The following PRDM4 variants were observed in gnomAD, a reference collection of about 807,000 sequenced individuals.
PRDM4 encodes the protein PR/SET domain 4, also known as PR domain zinc finger protein 4.
Under a neutral mutation model 62.3 loss-of-function variants are expected in PRDM4, and 38 were observed. The observed-to-expected ratio is 0.61, with a 90% CI of 0.47 to 0.80. The LOEUF (loss-of-function observed/expected upper bound fraction) is 0.80. PRDM4 is among the 30% of genes least tolerant of loss of function. PRDM4 has a pLI of 0.00. For missense variants in PRDM4, 858 were observed against 997.1 expected, an observed-to-expected ratio of 0.86 and a Z score of 1.88; for synonymous variants, 339 against 348.2, an observed-to-expected ratio of 0.97 and a Z score of 0.30.
rs1890562412 is a variant in PRDM4, at chr12:107,742,857, C to T, written c.1481+340G>A. On this transcript the variant is annotated intron_variant, in intron 8 of 11. Coordinates refer to ENST00000228437, the MANE Select transcript of PRDM4 (RefSeq NM_012406.4). ...TAGTATGATCACAGCTTGAACTCTT[C>T]AGCTCAAATGATCCTCCCACCTCAG... is the stretch of plus-strand genomic sequence containing the variant. 2.0e-5 allele frequency among the ~76,000 whole-genome samples: 3 copies of T among 149,956 alleles called. No individual in the cohort carries two copies. The South Asian group carries it at 6.4e-4, about 32-fold the overall frequency.
chr12:107,740,406 G>A (rs1890480293), intron 10 of PRDM4, among the ~76,000 whole-genome samples: 1 of 152,144 alleles, frequency 6.6e-6, no homozygotes, highest in African/African-American at 2.4e-5. Context: ...AGGATCACCT[G>A]AGTCCTGGAG....
intron 2 of PRDM4, 58 bp downstream of exon 2, chr12:107,760,447 C>T (rs539174420): frequency 4.4e-6 from 7 of 1,608,080 alleles, no homozygotes; most frequent in South Asian, 1.1e-5. Context: ...ACCCTGGACA[C>T]TCACTCGCCA....
At chr12:107,739,164 T>A (rs1890434303) in intron 11 of PRDM4, 1 of 473,206 alleles carries the variant, frequency 2.1e-6, no homozygotes, top group Non-Finnish European at 3.7e-6. Flanking sequence ...ATGTGAAAAG[T>A]AAGAAAAAGA....
intron 8 of PRDM4, among the ~76,000 whole-genome samples, chr12:107,742,858 A>G (rs569139193): frequency 2.9e-4 from 43 of 150,414 alleles, no homozygotes; most frequent in Non-Finnish European, 4.4e-5. Context: ...TGAACTCTTC[A>G]GCTCAAATGA....
At chr12:107,755,467 C>G (rs1891035164) in intron 3 of PRDM4, among the ~76,000 whole-genome samples, 1 of 152,208 alleles carries the variant, frequency 6.6e-6, no homozygotes, top group Non-Finnish European at 1.5e-5. Context: ...TACAAACAAT[C>G]AAGTGGGTTA....
At chr12:107,743,169 AT>A (rs772218812) in intron 8 of PRDM4, 27 bp downstream of exon 8, 4 of 1,534,076 alleles carry the variant, frequency 2.6e-6, no homozygotes, top group Non-Finnish European at 3.6e-6. Context: ...AATGGTAACT[AT>A]TTTTTCTCAT....
At chr12:107,749,899 C>T (rs1008467009) in intron 5 of PRDM4, among the ~76,000 whole-genome samples, 5 of 152,186 alleles carry the variant, frequency 3.3e-5, no homozygotes, top group Non-Finnish European at 7.4e-5. Flanking sequence ...TTTTATGCTT[C>T]AGCAATTCTG....
In PRDM4 at chr12:107,751,635, T is replaced by C; in HGVS notation, c.906A>G (p.Ala302=). 6.2e-7 allele frequency: 1 copy of C among 1,613,862 alleles called. No homozygotes were observed. Among genetic ancestry groups the C allele is most frequent in the Non-Finnish European group, 8.5e-7 (1 of 1,179,878 alleles). The change falls in exon 5 of 12, where the codon GCA becomes GCG. Residue 302 remains alanine, a synonymous_variant. Transcript: ENST00000228437. ...AGGCAAGGTTGTGTGAGGTAGAGAG[T>C]GCCACGCTTACAGAGTTGGTGCTCA... ...VAMSTNSVSV[A]LSTSHNLASL... is the part of the protein sequence containing the mutation.
chr12:107,744,035 G>T (rs1158443102), intron 7 of PRDM4, among the ~76,000 whole-genome samples: 1 of 151,888 alleles, frequency 6.6e-6, no homozygotes, highest in Non-Finnish European at 1.5e-5. Context: ...AGTCACCTGA[G>T]CCCAGGAGGT....
rs1566096423 is a variant in PRDM4, at chr12:107,746,357, A to C, written c.1194T>G (p.Pro398=). Residue 398 remains proline, a synonymous_variant, in exon 6 of 12, where the codon CCT becomes CCG. Transcript: ENST00000228437. ...CPEHGPVTFV[P]DTPIESRARL... is the part of the protein sequence containing the mutation. ...TTGCTCTGCTCTCTATTGGAGTGTCAGGAACAAAAGTCACTGGTCCATGTT... is the reference window on the plus strand; with the variant it reads ...TTGCTCTGCTCTCTATTGGAGTGTCCGGAACAAAAGTCACTGGTCCATGTT... 1 of 1,613,780 alleles carries C rather than the reference A, an allele frequency of 6.2e-7. No individual in the cohort carries two copies. Among genetic ancestry groups the C allele is most frequent in the Admixed American group, 1.7e-5 (1 of 59,984 alleles).
At chr12:107,746,240 G>C in intron 6 of PRDM4, 35 bp downstream of exon 6, 6 of 1,607,444 alleles carry the variant, frequency 3.7e-6, no homozygotes, top group Non-Finnish European at 5.1e-6. Flanking sequence ...AGGAAGAAGA[G>C]ATGTAATAGT....
intron 2 of PRDM4, among the ~76,000 whole-genome samples, chr12:107,757,555 A>G (rs947558439): frequency 6.6e-6 from 1 of 152,172 alleles, no homozygotes; most frequent in African/African-American, 2.4e-5. Context: ...CTACCACTTC[A>G]CTTAAAATGA....
intron 5 of PRDM4, 65 bp from the exon 6 acceptor site, chr12:107,746,489 G>GTTTTT: frequency 8.9e-7 from 1 of 1,124,296 alleles, no homozygotes; most frequent in African/African-American, 1.7e-5. Context: ...TACCACCACG[G>GTTTTT]TTTTTTTTTT....
chr12:107,741,068 G>C lies in PRDM4; in HGVS notation c.1802C>G (p.Ser601Cys). The stretch of plus-strand genomic sequence containing the variant: ...AAAGTGGACATGAAGTTTGGAAGGA[G>C]AGATAAAAGCTTGGGGGCACATTGA... ...KCSMCPQAFI[S>C]PSKLHVHFMG... is the part of the protein sequence containing the mutation. The change falls in exon 10 of 12, where the codon TCT (serine) becomes TGT (cysteine). Residue 601 changes from serine (S) to cysteine (C), a missense_variant. By Grantham distance (112) the Ser-to-Cys change is moderately radical. Coordinates refer to ENST00000228437, the MANE Select transcript of PRDM4 (RefSeq NM_012406.4). The C allele has an allele frequency of 6.2e-7, 1 of 1,614,180 alleles. No individual in the cohort carries two copies. The highest frequency in any genetic ancestry group is 1.1e-5 in the South Asian group (1 of 91,076).
At chr12:107,756,509 GAACGGGT>G (rs963818110) in intron 3 of PRDM4, among the ~76,000 whole-genome samples, 3 of 152,148 alleles carry the variant, frequency 2.0e-5, no homozygotes, top group Non-Finnish European at 4.4e-5. Flanking sequence ...TTAACCCAGG[GAACGGGT>G]ACTGAAGTGT....
intron 3 of PRDM4, among the ~76,000 whole-genome samples, chr12:107,755,093 T>C (rs2136332345): frequency 6.6e-6 from 1 of 152,142 alleles, no homozygotes; most frequent in East Asian, 1.9e-4. Flanking sequence ...GGGCAATATT[T>C]TTTTTTTTTG....
In PRDM4 at chr12:107,751,972, G is replaced by A; in HGVS notation, c.569C>T (p.Thr190Ile). 1 of 1,614,222 alleles carries A rather than the reference G, an allele frequency of 6.2e-7. No individual in the cohort carries two copies. The highest frequency in any genetic ancestry group is 8.5e-7 in the Non-Finnish European group (1 of 1,180,046). ...AGAAACGTTCTCCATAGTGATTGCT[G>A]TGTCCAAGGCCACCTCATGGCCATC... ...PSDGHEVALD[T>I]AITMENVSRV... Residue 190 changes from threonine (T) to isoleucine (I), a missense_variant, in exon 5 of 12, where the codon ACA (threonine) becomes ATA (isoleucine). Thr to Ile is a moderately conservative substitution (Grantham distance 89). Transcript: ENST00000228437.
At position 107,760,542 on chromosome 12, in the gene PRDM4, G is replaced by T. The variant is rs372625635; in HGVS notation, c.-27C>A. 2 of 1,612,426 alleles carry T rather than the reference G, an allele frequency of 1.2e-6. No homozygotes were observed. The highest frequency in any genetic ancestry group is 2.7e-5 in the African/African-American group (2 of 74,878). The stretch of plus-strand genomic sequence containing the variant: ...GGCTTGGGGCCAAATATCAGAGAAA[G>T]GAGCGCTCGGGTGGTGGGGAACAGG... On this transcript the variant is annotated 5_prime_UTR_variant, in exon 2 of 12. Transcript: ENST00000228437.
intron 11 of PRDM4, chr12:107,736,771 A>C (rs1370907007): frequency 6.6e-6 from 1 of 152,306 alleles, no homozygotes; most frequent in East Asian, 1.9e-4. Flanking sequence ...CTGGGAGGCT[A>C]CTGAAGCCAT....
Sources: gnomAD v4.1 joint callset for allele counts (sites outside exome capture counted in the v4.1 genomes callset) on GRCh38, gnomAD v4.1.1 for gene constraint, MANE v1.5 for transcripts, NCBI Gene and HGNC (gene_info 2026-07-23, HGNC 2026-07-21) for gene names.